Variants in CNTN4 observed in about 807,000 individuals in gnomAD.
CNTN4 encodes contactin 4.
Under a neutral mutation model 122.5 loss-of-function variants are expected in CNTN4, and 77 were observed. The ratio of observed to expected loss-of-function variants is 0.63; its 90% CI spans 0.52 to 0.76. CNTN4 has a LOEUF of 0.76. Among genes scored for constraint, CNTN4 ranks in the 30% least tolerant of loss-of-function variants. CNTN4 has a pLI of 0.00. For synonymous variants in CNTN4, 512 were observed against 447.0 expected (o/e 1.15, Z -1.83); for missense variants, 1,256 against 1,259.1 (o/e 1.00, Z 0.04).
chr3:2,971,721 C>T (rs1279716806), intron 13 of CNTN4, among the ~76,000 whole-genome samples: 1 of 152,056 alleles, frequency 6.6e-6, no homozygotes, highest in Admixed American at 6.5e-5. Flanking sequence ...ATTTCAGATC[C>T]ATAAAAACTT....
Position 2,190,790 on chromosome 3 carries a change from AAGGTGAG to A in CNTN4, c.-145+90152_-145+90158del, listed in dbSNP as rs2037493930. On this transcript the variant is annotated intron_variant, in intron 2 of 24. Transcript: ENST00000418658. The stretch of plus-strand genomic sequence containing the variant: ...TAGTGCATACATTGGTATACAGCTT[AAGGTGAG>A]GACTTTATGCACACACACACACACA... 2.0e-5 allele frequency among the ~76,000 whole-genome samples: 3 copies of A among 150,794 alleles called. No homozygotes were observed. The South Asian group carries it at 6.4e-4, about 32-fold the overall frequency.
intron 3 of CNTN4, among the ~76,000 whole-genome samples, chr3:2,530,038 A>G (rs1186612948): frequency 6.6e-6 from 1 of 152,108 alleles, no homozygotes; most frequent in South Asian, 2.1e-4. Context: ...GGGCTATATC[A>G]TCACACTTCC....
In CNTN4 at chr3:2,745,540, A is replaced by G; in HGVS notation, c.201A>G (p.Thr67=). ...ACTATAGGTGGAAGTTAAATGGAAC[A>G]GATGTTGACACTGGTATGGATTTCC... ...KPHIRWKLNG[T]DVDTGMDFRY... Residue 67 remains threonine, a synonymous_variant, in exon 6 of 25, where the codon ACA becomes ACG. Coordinates refer to ENST00000418658, the MANE Select transcript of CNTN4 (RefSeq NM_175607.3). 1.2e-6 allele frequency: 2 copies of G among 1,614,096 alleles called. No individual in the cohort carries two copies. Among genetic ancestry groups the G allele is most frequent in the Non-Finnish European group, 1.7e-6 (2 of 1,179,928 alleles).
At chr3:2,742,380 C>T (rs2089506040) in intron 5 of CNTN4, among the ~76,000 whole-genome samples, 1 of 152,216 alleles carries the variant, frequency 6.6e-6, no homozygotes, top group East Asian at 1.9e-4. Flanking sequence ...TATGACATTA[C>T]TTAATGCACT....
chr3:2,306,913 A>G (rs1444184839), intron 2 of CNTN4, among the ~76,000 whole-genome samples: 7 of 151,876 alleles, frequency 4.6e-5, no homozygotes, highest in Non-Finnish European at 8.8e-5. Context: ...TTCATGTTTG[A>G]ATTGCTCATT....
chr3:2,700,414 G>A (rs2086290640), intron 4 of CNTN4, among the ~76,000 whole-genome samples: 1 of 152,122 alleles, frequency 6.6e-6, no homozygotes, highest in African/African-American at 2.4e-5. Context: ...TGCATGATTT[G>A]GTTTGTAAGC....
At chr3:2,814,214 A>G (rs772298962) in intron 6 of CNTN4, among the ~76,000 whole-genome samples, 24 of 152,334 alleles carry the variant, frequency 1.6e-4, no homozygotes, top group Non-Finnish European at 3.2e-4. Context: ...TATTTTTTAA[A>G]AATCTACACA....
At position 3,026,116 on chromosome 3, in the gene CNTN4, A is replaced by ATGGG. The variant is rs1698695960; in HGVS notation, c.1504_1505insGTGG (p.Val502GlyfsTer24). The ATGGG allele has an allele frequency of 6.2e-7, 1 of 1,613,140 alleles. No individual in the cohort carries two copies. The highest frequency in any genetic ancestry group is 8.5e-7 in the Non-Finnish European group (1 of 1,179,388). On this transcript the variant is annotated frameshift_variant, in exon 15 of 25. Coordinates refer to ENST00000418658, the MANE Select transcript of CNTN4 (RefSeq NM_175607.3). LOFTEE classifies it high-confidence loss of function. ...TAACTCTCCAGATCCAACAAGGGTA[A>ATGGG]TGGTACCCCCTTCCAGTATGGATGT...
chr3:2,699,513 C>A (rs371815254), intron 4 of CNTN4, among the ~76,000 whole-genome samples: 5 of 152,162 alleles, frequency 3.3e-5, no homozygotes, highest in Admixed American at 2.6e-4. Context: ...CCTAAGTCTT[C>A]TTTGGTTGAT....
Position 2,626,122 on chromosome 3 carries a change from C to T in CNTN4, c.55+54564C>T, listed in dbSNP as rs138414129. On this transcript the variant is annotated intron_variant, in intron 4 of 24. Transcript: ENST00000418658. Reference sequence around the variant, plus strand: ...AGTTGCACACGTATTCTCCCAGTTGCTTGCTGGCCTTTTCACTCTTATTTG... The same window carrying T: ...AGTTGCACACGTATTCTCCCAGTTGTTTGCTGGCCTTTTCACTCTTATTTG... Among the ~76,000 whole-genome samples the T allele has an allele frequency of 3.9e-5, 6 of 152,316 alleles. No individual in the cohort carries two copies. In the East Asian group the frequency reaches 1.2e-3, roughly 29 times the overall value.
At chr3:2,393,637 C>A (rs1450515253) in intron 3 of CNTN4, among the ~76,000 whole-genome samples, 1 of 152,052 alleles carries the variant, frequency 6.6e-6, no homozygotes, top group Admixed American at 6.6e-5. Context: ...CATTTCAAAT[C>A]ATATTACCTT....
chr3:2,662,646 G>C lies in CNTN4; in HGVS notation c.56-73569G>C, dbSNP rs576643242. ...CAGCTAACTAGTCTCAACCTCAATG[G>C]GCAATATGAACTTAGGCAACAGAAG... On this transcript the variant is annotated intron_variant, in intron 4 of 24. Coordinates refer to ENST00000418658, the MANE Select transcript of CNTN4 (RefSeq NM_175607.3). Among the ~76,000 whole-genome samples, 4 of 152,194 alleles carry C rather than the reference G, an allele frequency of 2.6e-5. No individual in the cohort carries two copies. The East Asian group carries it at 7.7e-4, about 29-fold the overall frequency.
At chr3:2,119,586 A>G (rs921694051) in intron 2 of CNTN4, among the ~76,000 whole-genome samples, 2 of 152,232 alleles carry the variant, frequency 1.3e-5, no homozygotes, top group African/African-American at 4.8e-5. Flanking sequence ...CAGAAAGTTC[A>G]AAGATGGAAT....
At chr3:2,495,222 C>T (rs998632750) in intron 3 of CNTN4, among the ~76,000 whole-genome samples, 6 of 152,196 alleles carry the variant, frequency 3.9e-5, no homozygotes, top group Non-Finnish European at 8.8e-5. Flanking sequence ...CTCTTCCTCT[C>T]CAAAATATTT....
At chr3:2,240,600 A>G (rs769173322) in intron 2 of CNTN4, among the ~76,000 whole-genome samples, 5 of 152,134 alleles carry the variant, frequency 3.3e-5, no homozygotes, top group African/African-American at 9.6e-5. Context: ...TTGTAGGTGA[A>G]CAATAGTTAG....
chr3:2,200,642 A>G (rs891474644), intron 2 of CNTN4, among the ~76,000 whole-genome samples: 2 of 152,198 alleles, frequency 1.3e-5, no homozygotes, highest in Admixed American at 1.3e-4. Context: ...GACCAGCTAA[A>G]TTAATATATT....
chr3:2,950,947 T>C lies in CNTN4; in HGVS notation c.1358+25168T>C, dbSNP rs535286228. Among the ~76,000 whole-genome samples the C allele has an allele frequency of 2.0e-5, 3 of 152,358 alleles. No individual in the cohort carries two copies. The East Asian group carries it at 5.8e-4, about 29-fold the overall frequency. ...TGCACTTAGCATAGTACTTGACACA[T>C]AATGGACATTAAATACATATATGAT... On this transcript the variant is annotated intron_variant, in intron 13 of 24. Transcript: ENST00000418658.
intron 5 of CNTN4, among the ~76,000 whole-genome samples, chr3:2,744,600 G>A (rs2089654237): frequency 6.6e-6 from 1 of 152,152 alleles, no homozygotes; most frequent in African/African-American, 2.4e-5. Flanking sequence ...GAGTTGTGGG[G>A]GTAAACGAAT....
At chr3:2,357,959 G>T (rs2044942747) in intron 3 of CNTN4, among the ~76,000 whole-genome samples, 1 of 152,138 alleles carries the variant, frequency 6.6e-6, no homozygotes, top group Non-Finnish European at 1.5e-5. Context: ...TCCAGCTACT[G>T]TCTTTTATGT....
Sources: gnomAD v4.1 joint callset for allele counts (sites outside exome capture counted in the v4.1 genomes callset) on GRCh38, gnomAD v4.1.1 for gene constraint, MANE v1.5 for transcripts, NCBI Gene and HGNC (gene_info 2026-07-23, HGNC 2026-07-21) for gene names.